Variants in STPG2 observed in about 807,000 individuals in gnomAD.
STPG2 encodes the protein sperm-tail PG-rich repeat-containing protein 2.
A neutral mutation model predicts 54.2 loss-of-function variants in STPG2; 56 were observed. The ratio of observed to expected loss-of-function variants is 1.03; its 90% CI spans 0.83 to 1.29. The LOEUF (loss-of-function observed/expected upper bound fraction) is 1.29, where lower values mean the gene tolerates loss of function less well. STPG2 is among the 50% of genes most tolerant of loss of function. The probability of loss-of-function intolerance (pLI) is 0.00; values close to 1 mark genes in which losing one functional copy is unlikely to be tolerated. For synonymous variants in STPG2, 200 were observed against 181.8 expected (o/e 1.10, Z -0.81); for missense variants, 596 against 544.9 (o/e 1.09, Z -0.93).
At chr4:97,710,963 T>G (rs989194029) in intron 10 of STPG2, among the ~76,000 whole-genome samples, 37 of 151,766 alleles carry the variant, frequency 2.4e-4, no homozygotes, top group African/African-American at 8.9e-4. Context: ...CATAAATGTT[T>G]TCTCTGACAT....
chr4:97,633,122 G>A (rs1208840585), intron 10 of STPG2, among the ~76,000 whole-genome samples: 1 of 152,060 alleles, frequency 6.6e-6, no homozygotes, highest in South Asian at 2.1e-4. Context: ...CACATCAGTT[G>A]TTTTAGTTTC....
intron 8 of STPG2, among the ~76,000 whole-genome samples, chr4:97,932,106 A>G (rs1415538907): frequency 6.6e-6 from 1 of 151,912 alleles, no homozygotes; most frequent in Non-Finnish European, 1.5e-5. Context: ...TGTCATTTCC[A>G]ATTGTGTTAG....
At chr4:97,493,620 G>A (rs1214704102) in intron 4 of STPG2, among the ~76,000 whole-genome samples, 3 of 151,452 alleles carry the variant, frequency 2.0e-5, no homozygotes, top group Non-Finnish European at 4.4e-5. Context: ...AATATTAAAA[G>A]TGTACCCAAT....
intron 4 of STPG2, among the ~76,000 whole-genome samples, chr4:97,530,302 C>T (rs930026695): frequency 3.9e-5 from 6 of 152,156 alleles, no homozygotes; most frequent in African/African-American, 1.4e-4. Context: ...TTGTTTGTCA[C>T]ATTCTTTTAC....
intron 4 of STPG2, among the ~76,000 whole-genome samples, chr4:97,523,625 C>G (rs1197612742): frequency 6.6e-6 from 1 of 151,860 alleles, no homozygotes; most frequent in Non-Finnish European, 1.5e-5. Context: ...TTCTATGCAA[C>G]TACTTGATTT....
chr4:97,896,026 T>C (rs878967159), intron 8 of STPG2, among the ~76,000 whole-genome samples: 2 of 151,834 alleles, frequency 1.3e-5, no homozygotes, highest in Admixed American at 1.3e-4. Flanking sequence ...AATTCCATTT[T>C]TCTCTGAGTC....
intron 7 of STPG2, among the ~76,000 whole-genome samples, chr4:97,945,581 T>C (rs1383447706): frequency 6.6e-6 from 1 of 152,178 alleles, no homozygotes; most frequent in Non-Finnish European, 1.5e-5. Flanking sequence ...TACCCAGTAG[T>C]GGGATTACTA....
intron 7 of STPG2, among the ~76,000 whole-genome samples, chr4:97,969,917 C>T (rs960407460): frequency 1.3e-5 from 2 of 152,160 alleles, no homozygotes; most frequent in African/African-American, 4.8e-5. Context: ...AAAACTCCAT[C>T]GTCTCAGCCC....
rs188682426 is a variant in STPG2 at position 97,514,219 on chromosome 4, C to T, written c.462+198480G>A. On this transcript the variant is annotated intron_variant, in intron 4 of 4. Coordinates refer to the STPG2 transcript ENST00000522676. ...AAGGAGGTTTTGTTTTTGTTCTAAA[C>T]GTCCCAGCGTCATGAATATATTGCA... Among the ~76,000 whole-genome samples the T allele has an allele frequency of 2.2e-3, 332 of 152,136 alleles. 1 individual carries two copies. The highest frequency in any genetic ancestry group is 2.6e-3 in the Non-Finnish European group (178 of 67,990).
chr4:98,058,948 A>G (rs531591854), intron 5 of STPG2, among the ~76,000 whole-genome samples: 33 of 150,892 alleles, frequency 2.2e-4, no homozygotes, highest in Non-Finnish European at 4.3e-4. Flanking sequence ...TAGAAAATGC[A>G]AGATCAAATC....
intron 10 of STPG2, among the ~76,000 whole-genome samples, chr4:97,687,316 G>A (rs1018997093): frequency 8.4e-6 from 1 of 118,480 alleles, no homozygotes; most frequent in African/African-American, 3.5e-5. Flanking sequence ...TGTATGCACT[G>A]AATCTTTTTT....
intron 8 of STPG2, among the ~76,000 whole-genome samples, chr4:97,890,836 A>G (rs1478042318): frequency 6.6e-6 from 1 of 151,986 alleles, no homozygotes; most frequent in Non-Finnish European, 1.5e-5. Context: ...TTTGAGAGTG[A>G]AAAAACTTAT....
chr4:98,139,122 C>T (rs1414874452), intron 1 of STPG2, among the ~76,000 whole-genome samples: 3 of 152,136 alleles, frequency 2.0e-5, no homozygotes, highest in Admixed American at 6.6e-5. Context: ...TCCACTCTCT[C>T]CTACCTCATG....
At chr4:98,083,424 T>C (rs533799316) in intron 5 of STPG2, among the ~76,000 whole-genome samples, 1 of 152,146 alleles carries the variant, frequency 6.6e-6, no homozygotes, top group South Asian at 2.1e-4. Flanking sequence ...AACCCTTTCA[T>C]ATATAGAAAT....
In STPG2 at chr4:97,504,833, C is replaced by T. The variant is rs114065254; in HGVS notation, c.462+207866G>A. ...ACCAGAATGTCAAAAGAAAAACCTA[C>T]TATGTCCCAGGGACTATTCAATGGC... On this transcript the variant is annotated intron_variant, in intron 4 of 4. Transcript: ENST00000522676. Among the ~76,000 whole-genome samples, 1,067 of 152,048 alleles carry T rather than the reference C, an allele frequency of 7.0e-3. 7 individuals are homozygous for T. The highest frequency in any genetic ancestry group is 0.025 in the African/African-American group (1,020 of 41,522).
At chr4:97,899,994 G>A (rs1731112458) in intron 8 of STPG2, among the ~76,000 whole-genome samples, 1 of 150,974 alleles carries the variant, frequency 6.6e-6, no homozygotes, top group South Asian at 2.1e-4. Flanking sequence ...ACAACCTACA[G>A]AATGGAAGGA....
intron 4 of STPG2, among the ~76,000 whole-genome samples, chr4:97,523,303 G>A (rs1731219477): frequency 6.6e-6 from 1 of 151,686 alleles, no homozygotes; most frequent in South Asian, 2.1e-4. Flanking sequence ...TAAGTACGTA[G>A]TCTCATTTTT....
At chr4:97,624,214 C>T (rs181710009) in intron 10 of STPG2, among the ~76,000 whole-genome samples, 243 of 152,318 alleles carry the variant, frequency 1.6e-3, no homozygotes, top group African/African-American at 5.7e-3. Flanking sequence ...GGAGTCACCA[C>T]ACTGTCTTCT....
At chr4:97,918,598 C>T (rs1418527029) in intron 8 of STPG2, among the ~76,000 whole-genome samples, 1 of 151,514 alleles carries the variant, frequency 6.6e-6, no homozygotes, top group Non-Finnish European at 1.5e-5. Context: ...CATATATATA[C>T]ACACACACAT....
Sources: gnomAD v4.1 joint callset for allele counts (sites outside exome capture counted in the v4.1 genomes callset) on GRCh38, gnomAD v4.1.1 for gene constraint, MANE v1.5 for transcripts, NCBI Gene and HGNC (gene_info 2026-07-23, HGNC 2026-07-21) for gene names.